Variants in UGT1A8 observed in about 807,000 individuals in gnomAD.
UGT1A8 encodes the protein UDP glucuronosyltransferase family 1 member A8, also known as UDP-glucuronosyltransferase 1A8.
UGT1A8 carries 39 observed loss-of-function variants against 45.3 expected under a neutral mutation model. The ratio of observed to expected loss-of-function variants is 0.86; its 90% CI spans 0.67 to 1.12. The LOEUF is 1.12. Among genes scored for constraint, UGT1A8 ranks in the 50% most tolerant of loss-of-function variants. The pLI is 0.00. For missense variants in UGT1A8, 719 were observed against 664.9 expected, an observed-to-expected ratio of 1.08 and a Z score of -0.90; for synonymous variants, 275 against 249.2, an observed-to-expected ratio of 1.10 and a Z score of -0.97.
At chr2:233,619,810 A>G in intron 1 of UGT1A8, among the ~76,000 whole-genome samples, 1 of 152,198 alleles carries the variant, frequency 6.6e-6, no homozygotes, top group East Asian at 1.9e-4. Context: ...AATATGCAAT[A>G]CCATCTGCAA....
At chr2:233,663,241 G>A (rs2074010939) in intron 1 of UGT1A8, among the ~76,000 whole-genome samples, 1 of 152,176 alleles carries the variant, frequency 6.6e-6, no homozygotes, top group Non-Finnish European at 1.5e-5. Flanking sequence ...AATAGAGAAA[G>A]AGTAATTAAT....
intron 1 of UGT1A8, chr2:233,648,886 G>C: frequency 7.7e-7 from 1 of 1,298,738 alleles, no homozygotes; most frequent in Non-Finnish European, 1.1e-6. Flanking sequence ...CCAAACACCT[G>C]TCATGGCATA....
At chr2:233,719,060 T>C in intron 1 of UGT1A8, 1 of 1,614,258 alleles carries the variant, frequency 6.2e-7, no homozygotes, top group East Asian at 2.2e-5. Flanking sequence ...TGACAGCCTA[T>C]GCTGTTCCAT....
chr2:233,675,639 A>G (rs969271849), intron 1 of UGT1A8, among the ~76,000 whole-genome samples: 10 of 152,196 alleles, frequency 6.6e-5, no homozygotes, highest in Non-Finnish European at 1.3e-4. Flanking sequence ...TTTTATTTTC[A>G]AAGTTTTCAA....
chr2:233,764,410 G>T (rs1287852484), intron 1 of UGT1A8, among the ~76,000 whole-genome samples: 1 of 152,152 alleles, frequency 6.6e-6, no homozygotes, highest in Non-Finnish European at 1.5e-5. Context: ...TCTGCAGTTT[G>T]CCCTGCGTGA....
chr2:233,747,399 C>G, intron 1 of UGT1A8: 4 of 1,606,666 alleles, frequency 2.5e-6, no homozygotes, highest in Non-Finnish European at 3.4e-6. Context: ...GGTCCTCACC[C>G]CAGAGGTGAA....
intron 1 of UGT1A8, chr2:233,637,160 A>G: frequency 6.2e-7 from 1 of 1,613,974 alleles, no homozygotes; most frequent in South Asian, 1.1e-5. Context: ...CACATCGTGC[A>G]CTTGGAGGAC....
At chr2:233,729,541 A>G (rs750509875) in intron 1 of UGT1A8, 1 of 1,614,224 alleles carries the variant, frequency 6.2e-7, no homozygotes, top group South Asian at 1.1e-5. Context: ...GGCCCTGATC[A>G]GGCACCTGAA....
At chr2:233,713,329 G>T (rs1283869800) in intron 1 of UGT1A8, 2 of 1,614,226 alleles carry the variant, frequency 1.2e-6, no homozygotes, top group South Asian at 1.1e-5. Context: ...TTTTCTAGAA[G>T]AATGGCAATT....
intron 1 of UGT1A8, among the ~76,000 whole-genome samples, chr2:233,642,922 T>C (rs2073492286): frequency 6.6e-6 from 1 of 152,186 alleles, no homozygotes; most frequent in Admixed American, 6.5e-5. Flanking sequence ...CTCTCTGTTC[T>C]GAGCCACCTC....
intron 1 of UGT1A8, among the ~76,000 whole-genome samples, chr2:233,724,483 C>CA (rs2077265873): frequency 1.5e-5 from 1 of 68,754 alleles, no homozygotes; most frequent in Non-Finnish European, 3.0e-5. Context: ...ACTTCTCAGA[C>CA]GGGGCGGCCG....
At chr2:233,682,646 A>C (rs1441040908) in intron 1 of UGT1A8, 1 of 1,613,772 alleles carries the variant, frequency 6.2e-7, no homozygotes, top group Non-Finnish European at 8.5e-7. Flanking sequence ...AATTCTCCAA[A>C]CCCCTGTCAC....
intron 1 of UGT1A8, among the ~76,000 whole-genome samples, chr2:233,658,478 A>G (rs2073901437): frequency 6.6e-6 from 1 of 152,174 alleles, no homozygotes; most frequent in Non-Finnish European, 1.5e-5. Context: ...TGGATACCAA[A>G]TGACATTTAG....
In UGT1A8 at chr2:233,648,906, C is replaced by T. The variant is rs1402970996; in HGVS notation, c.855+30344C>T. 34 of 1,344,066 alleles carry T rather than the reference C, an allele frequency of 2.5e-5. No individual in the cohort carries two copies. In the Admixed American group the frequency reaches 3.1e-4, roughly 12 times the overall value. 83.3% of individuals were successfully genotyped at this position (1,344,066 alleles called of 1,614,324 possible). The stretch of plus-strand genomic sequence containing the variant: ...CACCTGTCATGGCATATGATCTCTA[C>T]AGCCACACATCAATTTGGTTGCTGC... On this transcript the variant is annotated intron_variant, in intron 1 of 4. Coordinates refer to ENST00000373450, the MANE Select transcript of UGT1A8 (RefSeq NM_019076.5).
At chr2:233,686,425 G>C (rs776332125) in intron 1 of UGT1A8, among the ~76,000 whole-genome samples, 1 of 152,056 alleles carries the variant, frequency 6.6e-6, no homozygotes, top group African/African-American at 2.4e-5. Flanking sequence ...ATAAACACAC[G>C]CATGCTTGAC....
chr2:233,642,288 G>A (rs767602954), intron 1 of UGT1A8, among the ~76,000 whole-genome samples: 1 of 152,122 alleles, frequency 6.6e-6, no homozygotes, highest in Non-Finnish European at 1.5e-5. Flanking sequence ...GGTCCATTCT[G>A]CTATTAAAGG....
chr2:233,634,270 A>G (rs1444481785), intron 1 of UGT1A8, among the ~76,000 whole-genome samples: 3 of 152,198 alleles, frequency 2.0e-5, no homozygotes, highest in African/African-American at 7.2e-5. Flanking sequence ...TGGTGCTGAG[A>G]AGAATATATA....
At chr2:233,657,271 C>T (rs2741042) in intron 1 of UGT1A8, among the ~76,000 whole-genome samples, 34,023 of 152,096 alleles carry the variant, frequency 0.22, 4,749 homozygotes, top group South Asian at 0.38. Context: ...TTTTGTGTTG[C>T]TCTAAAGGAA....
chr2:233,747,893 T>G (rs1693806794), intron 1 of UGT1A8: 1 of 1,613,576 alleles, frequency 6.2e-7, no homozygotes. Flanking sequence ...GCCATGCTCT[T>G]TCTGCTCCTT....
Sources: gnomAD v4.1 joint callset for allele counts (sites outside exome capture counted in the v4.1 genomes callset) on GRCh38, gnomAD v4.1.1 for gene constraint, MANE v1.5 for transcripts, NCBI Gene and HGNC (gene_info 2026-07-23, HGNC 2026-07-21) for gene names.